TCF4: variants seen among roughly 807,000 people sequenced by gnomAD.
TCF4 encodes transcription factor 4, also known as SL3-3 enhancer factor 2.
In TCF4, 3 loss-of-function variants were observed where a neutral mutation model predicts 82.1. That is an observed-to-expected ratio of 0.04 (90% CI 0.02 to 0.09). TCF4 has a LOEUF of 0.09. Among genes scored for constraint, TCF4 ranks in the 10% least tolerant of loss-of-function variants. The pLI is 1.00. For missense variants in TCF4, 518 were observed against 852.7 expected, an observed-to-expected ratio of 0.61 and a Z score of 4.89; for synonymous variants, 276 against 309.6, an observed-to-expected ratio of 0.89 and a Z score of 1.14.
intron 15 of TCF4, among the ~76,000 whole-genome samples, chr18:55,238,678 T>A (rs867087760): frequency 2.0e-5 from 3 of 151,700 alleles, no homozygotes; most frequent in Non-Finnish European, 2.9e-5. Context: ...TCCTCGCCTC[T>A]GCTGGGCTAT....
chr18:55,263,393 T>TA (rs1460674730), intron 11 of TCF4, among the ~76,000 whole-genome samples: 10 of 152,072 alleles, frequency 6.6e-5, no homozygotes, highest in African/African-American at 2.4e-4. Context: ...TAATATAAGA[T>TA]AAAATACAAC....
intron 5 of TCF4, among the ~76,000 whole-genome samples, chr18:55,417,548 T>C (rs188899007): frequency 2.6e-5 from 4 of 152,320 alleles, no homozygotes; most frequent in African/African-American, 9.6e-5. Context: ...ATCTATCAAA[T>C]GAATGAATGG....
At chr18:55,512,603 T>C (rs1205115200) in intron 3 of TCF4, among the ~76,000 whole-genome samples, 67 of 152,200 alleles carry the variant, frequency 4.4e-4, no homozygotes, top group African/African-American at 7.2e-5. Context: ...AGATATTTAA[T>C]TATAGTTTCA....
intron 11 of TCF4, among the ~76,000 whole-genome samples, chr18:55,262,961 C>T (rs2058356670): frequency 6.6e-6 from 1 of 152,054 alleles, no homozygotes; most frequent in Admixed American, 6.6e-5. Context: ...CACACGCCAC[C>T]ACGCCAAGTA....
chr18:55,254,624 G>C lies in TCF4; in HGVS notation c.1223C>G (p.Ser408Cys). Residue 408 changes from serine (S) to cysteine (C), a missense_variant, in exon 15 of 20, where the codon TCC (serine) becomes TGC (cysteine). Transcript: ENST00000354452. The part of the protein sequence containing the change: ...HVLRNHAVGP[S>C]TAMPGGHGDM... The stretch of plus-strand genomic sequence containing the variant: ...CCCATGACCACCAGGCATAGCTGTG[G>C]ATGGGCCCACTGCATGGTTCCGGAG... The C allele has an allele frequency of 6.2e-7, 1 of 1,613,578 alleles. No individual in the cohort carries two copies. Among genetic ancestry groups the C allele is most frequent in the South Asian group, 1.1e-5 (1 of 91,050 alleles).
chr18:55,630,652 C>A (rs766348338), intron 2 of TCF4, among the ~76,000 whole-genome samples: 2 of 152,190 alleles, frequency 1.3e-5, no homozygotes, highest in Non-Finnish European at 2.9e-5. Context: ...TTGCTAGGAG[C>A]ATAGCATGCT....
rs546942841 is a variant in TCF4 at position 55,230,902 on chromosome 18, G to A, written c.1649+1607C>T. On this transcript the variant is annotated intron_variant, in intron 17 of 19. Coordinates refer to ENST00000354452, the MANE Select transcript of TCF4 (RefSeq NM_001083962.2). ...TAATGCACGTAAGTCAAGAACACTT[G>A]GGTGAAGGAGAAAAGTTAGGGGCAA... is the stretch of plus-strand genomic sequence containing the variant. 5.9e-5 allele frequency: 9 copies of A among 152,314 alleles called. No individual in the cohort carries two copies. In the East Asian group the frequency reaches 1.5e-3, roughly 26 times the overall value. The allele number at this position is 152,314 out of a possible 1,614,324, so 9.4% of individuals were successfully genotyped here.
intron 5 of TCF4, among the ~76,000 whole-genome samples, chr18:55,425,272 G>A (rs2094930096): frequency 6.6e-6 from 1 of 151,936 alleles, no homozygotes; most frequent in Non-Finnish European, 1.5e-5. Context: ...TGAAATGAAA[G>A]CTTTGTCTCT....
intron 2 of TCF4, among the ~76,000 whole-genome samples, chr18:55,595,279 T>C (rs927664921): frequency 1.3e-5 from 2 of 152,240 alleles, no homozygotes; most frequent in Admixed American, 6.5e-5. Context: ...AAAATCAAAA[T>C]TCTGCCTTGG....
chr18:55,351,422 G>GGTAA (rs1347429000), intron 6 of TCF4: 1 of 212,230 alleles, frequency 4.7e-6, no homozygotes, highest in East Asian at 1.4e-4. Flanking sequence ...ATACACTGGG[G>GGTAA]GTAAGTGTAG....
At chr18:55,289,228 C>T (rs2064434222) in intron 8 of TCF4, among the ~76,000 whole-genome samples, 1 of 152,148 alleles carries the variant, frequency 6.6e-6, no homozygotes, top group African/African-American at 2.4e-5. Flanking sequence ...CCTTATGTTA[C>T]TTATTCATGT....
At chr18:55,635,733 G>C in exon 1 of TCF4, 4 of 1,550,494 alleles carry the variant, frequency 2.6e-6, no homozygotes, top group Non-Finnish European at 3.5e-6. Context: ...AGCTCGAGTA[G>C]CAGTTCTCAA....
intron 2 of TCF4, chr18:55,631,284 G>T: frequency 8.0e-7 from 1 of 1,255,998 alleles, no homozygotes; most frequent in Non-Finnish European, 1.1e-6. Flanking sequence ...CCTGACCTCA[G>T]GTGATCCACC....
rs1490758379 is a variant in TCF4, at chr18:55,227,144, G to A, written c.*891C>T. 1 of 151,760 alleles carries A rather than the reference G, an allele frequency of 6.6e-6. No individual in the cohort carries two copies. The highest frequency in any genetic ancestry group is 1.5e-5 in the Non-Finnish European group (1 of 67,946). 9.4% of individuals were successfully genotyped at this position (151,760 alleles called of 1,614,324 possible). A position where few individuals can be genotyped will look rare whatever the true frequency, so the allele number is the denominator to read the frequency against. On this transcript the variant is annotated 3_prime_UTR_variant, in exon 20 of 20. Coordinates refer to ENST00000354452, the MANE Select transcript of TCF4 (RefSeq NM_001083962.2). ...CAACTTTCTACTTATTTATGAATGA[G>A]AAGCAACATCAGGGTCAGCATTTCA...
chr18:55,575,085 C>G (rs1251425669), intron 3 of TCF4, among the ~76,000 whole-genome samples: 1 of 152,128 alleles, frequency 6.6e-6, no homozygotes, highest in Non-Finnish European at 1.5e-5. Flanking sequence ...AAGTGGGACA[C>G]TACAAATATA....
At chr18:55,293,409 G>A (rs761024422) in intron 8 of TCF4, among the ~76,000 whole-genome samples, 1 of 152,038 alleles carries the variant, frequency 6.6e-6, no homozygotes. Context: ...CTCTTTGTTA[G>A]CAAACTCAAT....
At chr18:55,461,912 G>C (rs2095873569) in intron 4 of TCF4, among the ~76,000 whole-genome samples, 1 of 152,150 alleles carries the variant, frequency 6.6e-6, no homozygotes, top group Admixed American at 6.6e-5. Context: ...ATAGGAAAGA[G>C]TTAAAATCAT....
chr18:55,388,086 C>G (rs2092749687), intron 6 of TCF4, among the ~76,000 whole-genome samples: 1 of 152,158 alleles, frequency 6.6e-6, no homozygotes, highest in Non-Finnish European at 1.5e-5. Context: ...TTAAGGATTT[C>G]AATGTTATAA....
rs1484616954 is a variant in TCF4 at position 55,272,783 on chromosome 18, C to A, written c.790-2820G>T. ...CGCACTGGATTCCAGTAGCATCTAGCCCCTAGTTGTAACAATGAAAATGTC... is the reference window on the plus strand; with the variant it reads ...CGCACTGGATTCCAGTAGCATCTAGACCCTAGTTGTAACAATGAAAATGTC... On this transcript the variant is annotated intron_variant, in intron 10 of 19. Coordinates refer to ENST00000354452, the MANE Select transcript of TCF4 (RefSeq NM_001083962.2). Among the ~76,000 whole-genome samples the A allele has an allele frequency of 8.5e-5, 13 of 152,142 alleles. No individual in the cohort carries two copies. In the East Asian group the frequency reaches 2.5e-3, roughly 29 times the overall value.
Sources: gnomAD v4.1 joint callset for allele counts (sites outside exome capture counted in the v4.1 genomes callset) on GRCh38, gnomAD v4.1.1 for gene constraint, MANE v1.5 for transcripts, NCBI Gene and HGNC (gene_info 2026-07-23, HGNC 2026-07-21) for gene names.